The following TNKS variants were observed in gnomAD, a reference collection of about 807,000 sequenced individuals.
TNKS encodes tankyrase, also known as poly [ADP-ribose] polymerase tankyrase-1.
Under a neutral mutation model 135.8 loss-of-function variants are expected in TNKS, and 72 were observed. The ratio of observed to expected loss-of-function variants is 0.53; its 90% CI spans 0.44 to 0.64. TNKS has a LOEUF of 0.64. Ranked by LOEUF, TNKS falls within the 30% of genes least tolerant of loss-of-function variation. The pLI is 0.00. For missense variants in TNKS, 1,769 were observed against 1,674.0 expected (o/e 1.06, Z -0.99); for synonymous variants, 849 against 649.3 (o/e 1.31, Z -4.68).
In TNKS at chr8:9,766,357, T is replaced by C; in HGVS notation, c.3672T>C (p.Tyr1224=). Residue 1224 remains tyrosine (Y), a synonymous_variant, in exon 25 of 27, where the codon TAT becomes TAC. Transcript: ENST00000310430. ...AAAACTCCTCAAAAAGCAACCAATATGTTTATGGAATTGGAGGAGGAACAG... is the reference window on the plus strand; with the variant it reads ...AAAACTCCTCAAAAAGCAACCAATACGTTTATGGAATTGGAGGAGGAACAG... ...FAENSSKSNQ[Y]VYGIGGGTGC... The C allele has an allele frequency of 6.2e-7, 1 of 1,613,848 alleles. No homozygotes were observed. The highest frequency in any genetic ancestry group is 8.5e-7 in the Non-Finnish European group (1 of 1,179,916).
At chr8:9,635,185 A>G (rs1233274099) in intron 3 of TNKS, among the ~76,000 whole-genome samples, 1 of 152,118 alleles carries the variant, frequency 6.6e-6, no homozygotes, top group African/African-American at 2.4e-5. Context: ...AAAAAAAAAA[A>G]AAAAAGTAAT....
Position 9,620,197 on chromosome 8 carries a change from T to C in TNKS, c.994+4520T>C, listed in dbSNP as rs556576872. Among the ~76,000 whole-genome samples the C allele has an allele frequency of 1.1e-4, 17 of 152,270 alleles. No homozygotes were observed. The South Asian group carries it at 1.9e-3, about 17-fold the overall frequency. On this transcript the variant is annotated intron_variant, in intron 3 of 26. Coordinates refer to ENST00000310430, the MANE Select transcript of TNKS (RefSeq NM_003747.3). ...TCTCCTGACCTCGTGATCCGCTGCCTTGGCCTCCCAAAGTGCCGGGATTAC... is the reference window on the plus strand; with the variant it reads ...TCTCCTGACCTCGTGATCCGCTGCCCTGGCCTCCCAAAGTGCCGGGATTAC...
intron 17 of TNKS, among the ~76,000 whole-genome samples, chr8:9,736,434 C>T (rs1300577828): frequency 6.6e-6 from 1 of 151,846 alleles, no homozygotes; most frequent in Non-Finnish European, 1.5e-5. Context: ...TAGCTAAAAC[C>T]TCCAGGTGAA....
chr8:9,704,801 C>A, intron 6 of TNKS, 44 bp downstream of exon 6: 1 of 1,495,664 alleles, frequency 6.7e-7, no homozygotes, highest in South Asian at 1.2e-5. Flanking sequence ...TGTTTTTTGT[C>A]TGATACTCTA....
intron 2 of TNKS, among the ~76,000 whole-genome samples, chr8:9,614,831 A>T (rs1242210917): frequency 6.6e-6 from 1 of 152,182 alleles, no homozygotes; most frequent in Non-Finnish European, 1.5e-5. Context: ...TTGGATTAAT[A>T]TATCTGGATT....
intron 3 of TNKS, among the ~76,000 whole-genome samples, chr8:9,670,554 T>C (rs894286572): frequency 6.6e-5 from 10 of 152,178 alleles, no homozygotes; most frequent in African/African-American, 2.4e-4. Flanking sequence ...TAAAACAATG[T>C]TATATTAATG....
chr8:9,767,133 T>G (rs1807498780), intron 25 of TNKS, among the ~76,000 whole-genome samples: 1 of 152,218 alleles, frequency 6.6e-6, no homozygotes, highest in Non-Finnish European at 1.5e-5. Context: ...TTTAATTTAC[T>G]TCTGATGTTG....
Position 9,615,650 on chromosome 8 carries a change from G to A in TNKS, c.967G>A (p.Asp323Asn). ...TGGGAAATCAGCCCTGGACCTGGCA[G>A]ATCCTTCAGCAAAAGCTGTCCTTAC... Reference protein sequence around the residue: ...TDGKSALDLADPSAKAVLTGE... With the variant: ...TDGKSALDLANPSAKAVLTGE... The change falls in exon 3 of 27, where the codon GAT (aspartate) becomes AAT (asparagine). Residue 323 changes from aspartate (D) to asparagine (N), a missense_variant. Transcript: ENST00000310430. 1 of 1,613,260 alleles carries A rather than the reference G, an allele frequency of 6.2e-7. No individual in the cohort carries two copies. The highest frequency in any genetic ancestry group is 1.7e-5 in the Admixed American group (1 of 59,944).
At chr8:9,652,111 C>A (rs564066776) in intron 3 of TNKS, among the ~76,000 whole-genome samples, 62 of 152,240 alleles carry the variant, frequency 4.1e-4, no homozygotes, top group African/African-American at 1.3e-3. Context: ...TAATTACTGA[C>A]ATATGGATAT....
chr8:9,663,726 A>G (rs1034893210), intron 3 of TNKS, among the ~76,000 whole-genome samples: 9 of 152,180 alleles, frequency 5.9e-5, no homozygotes, highest in African/African-American at 1.7e-4. Flanking sequence ...ACTCAGGAAG[A>G]TATGTTTACC....
intron 11 of TNKS, among the ~76,000 whole-genome samples, chr8:9,710,832 C>T (rs2128809388): frequency 6.6e-6 from 1 of 152,152 alleles, no homozygotes; most frequent in South Asian, 2.1e-4. Flanking sequence ...GGAGGCGAAG[C>T]TTGCAGTGAG....
chr8:9,711,997 A>C (rs1448458871), intron 11 of TNKS, among the ~76,000 whole-genome samples: 6 of 152,232 alleles, frequency 3.9e-5, no homozygotes, highest in Non-Finnish European at 8.8e-5. Context: ...ACTTCGCAAG[A>C]ACATCAGTAA....
intron 20 of TNKS, among the ~76,000 whole-genome samples, chr8:9,755,058 C>T (rs1318174431): frequency 6.6e-6 from 1 of 152,164 alleles, no homozygotes; most frequent in Non-Finnish European, 1.5e-5. Flanking sequence ...AACCAAAGAC[C>T]TTAACTCAAA....
chr8:9,663,476 A>G (rs989435074), intron 3 of TNKS, among the ~76,000 whole-genome samples: 21 of 152,188 alleles, frequency 1.4e-4, no homozygotes, highest in African/African-American at 3.6e-4. Flanking sequence ...TTTTCCTACC[A>G]TGAGCACTCT....
At chr8:9,699,049 T>G (rs1803666428) in intron 5 of TNKS, among the ~76,000 whole-genome samples, 1 of 152,250 alleles carries the variant, frequency 6.6e-6, no homozygotes, top group African/African-American at 2.4e-5. Context: ...CAGAAACGTC[T>G]GTTTTTAGAA....
chr8:9,679,824 A>G, intron 3 of TNKS, 127 bp from the exon 4 acceptor site: 3 of 702,822 alleles, frequency 4.3e-6, no homozygotes, highest in South Asian at 1.9e-5. Flanking sequence ...TCACGGCTCC[A>G]TCACCCAGCG....
intron 1 of TNKS, among the ~76,000 whole-genome samples, chr8:9,575,582 AG>A (rs1333222789): frequency 6.6e-6 from 1 of 152,264 alleles, no homozygotes; most frequent in African/African-American, 2.4e-5. Flanking sequence ...AAGAAAATGT[AG>A]GAACAGTACA....
chr8:9,587,238 A>G (rs1225221057), intron 2 of TNKS, among the ~76,000 whole-genome samples: 2 of 152,100 alleles, frequency 1.3e-5, no homozygotes, highest in African/African-American at 2.4e-5. Context: ...GTCAGATGAT[A>G]TAATTTCAGA....
chr8:9,672,674 A>C lies in TNKS; in HGVS notation c.995-7277A>C, dbSNP rs866570163. 4.7e-4 allele frequency among the ~76,000 whole-genome samples: 61 copies of C among 129,876 alleles called. No individual in the cohort carries two copies. The South Asian group carries it at 8.1e-3, about 17-fold the overall frequency. The allele number at this position is 129,876 out of a possible 152,430, so 85.2% of individuals were successfully genotyped here. A position where few individuals can be genotyped will look rare whatever the true frequency, so the allele number is the denominator to read the frequency against. On this transcript the variant is annotated intron_variant, in intron 3 of 26. Coordinates refer to ENST00000310430, the MANE Select transcript of TNKS (RefSeq NM_003747.3). ...GATGGTAAAAAAAAAAAAAAAAAAA[A>C]AACACATACACACACACACACACAC...
Sources: gnomAD v4.1 joint callset for allele counts (sites outside exome capture counted in the v4.1 genomes callset) on GRCh38, gnomAD v4.1.1 for gene constraint, MANE v1.5 for transcripts, NCBI Gene and HGNC (gene_info 2026-07-23, HGNC 2026-07-21) for gene names.